Variants in PDCL observed in about 807,000 individuals in gnomAD.
The protein encoded by PDCL is phosducin-like protein.
Under a neutral mutation model 26.7 loss-of-function variants are expected in PDCL, and 11 were observed. The ratio of observed to expected loss-of-function variants is 0.41; its 90% CI spans 0.26 to 0.68. The LOEUF (loss-of-function observed/expected upper bound fraction) is 0.68. Ranked by LOEUF, PDCL falls within the 30% of genes least tolerant of loss-of-function variation. The probability of loss-of-function intolerance (pLI) is 0.30; values close to 1 mark genes in which losing one functional copy is unlikely to be tolerated. For missense variants in PDCL, 330 were observed against 371.6 expected, an observed-to-expected ratio of 0.89 and a Z score of 0.92; for synonymous variants, 118 against 134.9, an observed-to-expected ratio of 0.87 and a Z score of 0.87.
chr9:122,823,976 G>A (rs972028741), intron 2 of PDCL, among the ~76,000 whole-genome samples: 2 of 152,072 alleles, frequency 1.3e-5, no homozygotes, highest in Admixed American at 6.5e-5. Context: ...CACCATGTTG[G>A]CCAGGATGGT....
chr9:122,827,362 C>T (rs1829641294), intron 1 of PDCL, among the ~76,000 whole-genome samples: 1 of 152,176 alleles, frequency 6.6e-6, no homozygotes, highest in Admixed American at 6.5e-5. Flanking sequence ...GTCTCTGAAA[C>T]GCTACCTATT....
intron 2 of PDCL, among the ~76,000 whole-genome samples, chr9:122,823,812 C>T (rs2131362991): frequency 6.6e-6 from 1 of 150,768 alleles, no homozygotes; most frequent in Middle Eastern, 3.4e-3. Flanking sequence ...CTCTGTGGCC[C>T]AGGCTGGGGT....
At chr9:122,826,833 C>G in intron 1 of PDCL, 41 bp from the exon 2 acceptor site, 1 of 1,593,130 alleles carries the variant, frequency 6.3e-7, no homozygotes, top group South Asian at 1.1e-5. Flanking sequence ...CTGATTTGAG[C>G]CAGACAGACA....
chr9:122,821,152 C>T (rs1829550550), intron 3 of PDCL, among the ~76,000 whole-genome samples: 1 of 152,096 alleles, frequency 6.6e-6, no homozygotes, highest in South Asian at 2.1e-4. Context: ...AAATGAGGTT[C>T]CAAAACTTGA....
intron 2 of PDCL, 143 bp from the exon 3 acceptor site, chr9:122,823,340 C>G: frequency 2.5e-6 from 2 of 799,146 alleles, no homozygotes; most frequent in Non-Finnish European, 4.1e-6. Flanking sequence ...TGTACTCTGC[C>G]ACAGGGCAGA....
rs1301816127 is a variant in PDCL, at chr9:122,823,182, A to G, written c.188T>C (p.Ile63Thr). The G allele has an allele frequency of 6.2e-7, 1 of 1,614,020 alleles. No individual in the cohort carries two copies. Among genetic ancestry groups the G allele is most frequent in the Non-Finnish European group, 8.5e-7 (1 of 1,180,008 alleles). Residue 63 changes from isoleucine (I) to threonine (T), a missense_variant, in exon 3 of 4, where the codon ATC (isoleucine) becomes ACC (threonine). Transcript: ENST00000259467. ...ISVNTGPKGV[I>T]NDWRRFKQLE... ...CTGCTTGAAGCGGCGCCAGTCATTG[A>G]TCACACCTTTTGGGCCTGAGTAGGG...
intron 3 of PDCL, among the ~76,000 whole-genome samples, chr9:122,821,553 A>G (rs570827855): frequency 5.5e-4 from 84 of 152,312 alleles, no homozygotes; most frequent in Non-Finnish European, 9.6e-4. Context: ...TAGCACGATT[A>G]TAAGTATTTC....
rs1330390348 is a variant in PDCL, at chr9:122,826,769, TATC to T, written c.16_18del (p.Asp6del). On this transcript the variant is annotated inframe_deletion, in exon 2 of 4. Coordinates refer to ENST00000259467, the MANE Select transcript of PDCL (RefSeq NM_005388.5). ...TACTGCAGTTTCTCCCCCAGCAACT[TATC>T]ATCAAGGGTGGTCATGGTGTCTGGA... 1 of 1,614,048 alleles carries T rather than the reference TATC, an allele frequency of 6.2e-7. No homozygotes were observed. Among genetic ancestry groups the T allele is most frequent in the East Asian group, 2.2e-5 (1 of 44,874 alleles).
At chr9:122,821,825 C>T (rs1829557248) in intron 3 of PDCL, among the ~76,000 whole-genome samples, 1 of 152,094 alleles carries the variant, frequency 6.6e-6, no homozygotes, top group Admixed American at 6.6e-5. Flanking sequence ...CTTACCCCTG[C>T]CCCGGTGCAG....
chr9:122,820,432 T>C lies in PDCL; in HGVS notation c.559A>G (p.Ile187Val), dbSNP rs1242839027. 1 of 1,614,120 alleles carries C rather than the reference T, an allele frequency of 6.2e-7. No homozygotes were observed. Among genetic ancestry groups the C allele is most frequent in the Non-Finnish European group, 8.5e-7 (1 of 1,180,014 alleles). The part of the protein sequence containing the change: ...EQKSIVIMVH[I>V]YEDGIPGTEA... ...GTCCCTGGAATGCCATCCTCATAAA[T>C]ATGAACCATGATGACAATGCTTTTC... is the stretch of plus-strand genomic sequence containing the variant. The change falls in exon 4 of 4, where the codon ATT becomes GTT. Residue 187 changes from isoleucine (I) to valine (V), a missense_variant. Ile to Val is a conservative substitution (Grantham distance 29). Transcript: ENST00000259467.
Position 122,819,370 on chromosome 9 carries a change from A to G in PDCL, c.*715T>C, listed in dbSNP as rs1182450158. The G allele has an allele frequency of 6.6e-6, 1 of 152,218 alleles. No individual in the cohort carries two copies. Among genetic ancestry groups the G allele is most frequent in the Non-Finnish European group, 1.5e-5 (1 of 68,036 alleles). 9.4% of individuals were successfully genotyped at this position (152,218 alleles called of 1,614,324 possible). On this transcript the variant is annotated 3_prime_UTR_variant, in exon 4 of 4. Transcript: ENST00000259467. ...TACCTTGTTAAACAAAAAAGAGACA[A>G]AGACAAGCAGGGGCATCTTACTGAA...
chr9:122,825,792 C>T (rs1829617382), intron 2 of PDCL, among the ~76,000 whole-genome samples: 1 of 152,050 alleles, frequency 6.6e-6, no homozygotes, highest in Non-Finnish European at 1.5e-5. Context: ...TAAATATGGG[C>T]CCAGTGCATT....
At chr9:122,825,026 T>A (rs1361274354) in intron 2 of PDCL, among the ~76,000 whole-genome samples, 2 of 152,120 alleles carry the variant, frequency 1.3e-5, no homozygotes, top group African/African-American at 4.8e-5. Context: ...TAAGCAGTAC[T>A]GAAACAACTG....
At chr9:122,822,893 T>C in intron 3 of PDCL, 123 bp downstream of exon 3, 1 of 844,422 alleles carries the variant, frequency 1.2e-6, no homozygotes, top group East Asian at 2.4e-5. Context: ...CAGGGCTCTA[T>C]GATTTCTCCT....
At chr9:122,826,446 T>C (rs1286447325) in intron 2 of PDCL, among the ~76,000 whole-genome samples, 170 bp downstream of exon 2, 1 of 152,232 alleles carries the variant, frequency 6.6e-6, no homozygotes, top group African/African-American at 2.4e-5. Flanking sequence ...ACATTTGTAT[T>C]GTGCACTAAA....
Position 122,820,401 on chromosome 9 carries a change from G to C in PDCL, c.590C>G (p.Ala197Gly), listed in dbSNP as rs1428837109. The C allele has an allele frequency of 1.2e-6, 2 of 1,614,050 alleles. No individual in the cohort carries two copies. The highest frequency in any genetic ancestry group is 1.7e-6 in the Non-Finnish European group (2 of 1,180,044). ...AAGGCAGATCATGCAACCATTCATG[G>C]CTTCGGTCCCTGGAATGCCATCCTC... ...IYEDGIPGTE[A>G]MNGCMICLAA... Residue 197 changes from alanine to glycine, a missense_variant, in exon 4 of 4, where the codon GCC becomes GGC. Coordinates refer to ENST00000259467, the MANE Select transcript of PDCL (RefSeq NM_005388.5).
chr9:122,828,203 G>A (rs1248340820), intron 1 of PDCL, among the ~76,000 whole-genome samples: 1 of 152,150 alleles, frequency 6.6e-6, no homozygotes, highest in African/African-American at 2.4e-5. Context: ...CCGCTGCGGG[G>A]AGGAGACGAG....
intron 1 of PDCL, among the ~76,000 whole-genome samples, 179 bp downstream of exon 1, chr9:122,828,292 G>A (rs972540997): frequency 3.3e-5 from 5 of 152,084 alleles, no homozygotes; most frequent in African/African-American, 9.7e-5. Flanking sequence ...GCTTTTGGGG[G>A]AAGGCTGGAA....
chr9:122,820,385 C>G lies in PDCL; in HGVS notation c.606G>C (p.Met202Ile). The change falls in exon 4 of 4, where the codon ATG becomes ATC. Residue 202 changes from methionine (M) to isoleucine (I), a missense_variant. Met to Ile is a conservative substitution (Grantham distance 10). Transcript: ENST00000259467. ...CTGGGTACTCTGCGGCAAGGCAGAT[C>G]ATGCAACCATTCATGGCTTCGGTCC... ...IPGTEAMNGC[M>I]ICLAAEYPAV... 6.2e-7 allele frequency: 1 copy of G among 1,614,184 alleles called. No individual in the cohort carries two copies. The highest frequency in any genetic ancestry group is 8.5e-7 in the Non-Finnish European group (1 of 1,180,044).
Sources: allele counts gnomAD v4.1 joint callset (sites outside exome capture counted in the v4.1 genomes callset), GRCh38; gene constraint gnomAD v4.1.1; transcripts MANE v1.5; gene names NCBI Gene and HGNC (gene_info 2026-07-23, HGNC 2026-07-21).